PRKCQ: variants seen among roughly 807,000 people sequenced by gnomAD.
The protein encoded by PRKCQ is protein kinase C theta type.
PRKCQ carries 41 observed loss-of-function variants against 91.2 expected under a neutral mutation model. That is an observed-to-expected ratio of 0.45 (90% CI 0.35 to 0.58). The LOEUF (loss-of-function observed/expected upper bound fraction) is 0.58, where lower values mean the gene tolerates loss of function less well. PRKCQ is among the 20% of genes least tolerant of loss of function. PRKCQ has a pLI of 0.00. For synonymous variants in PRKCQ, 307 were observed against 316.9 expected (o/e 0.97, Z 0.33); for missense variants, 673 against 896.5 (o/e 0.75, Z 3.18).
At chr10:6,437,611 TAAA>T (rs1444010425) in intron 16 of PRKCQ, among the ~76,000 whole-genome samples, 1 of 152,190 alleles carries the variant, frequency 6.6e-6, no homozygotes, top group Non-Finnish European at 1.5e-5. Context: ...TTATATAAAA[TAAA>T]AAACTTTATA....
Position 6,483,450 on chromosome 10 carries a change from C to A in PRKCQ, c.1169G>T (p.Ser390Ile). ...FILHKMLGKGSFGKVFLAEFK... is the reference protein window; with the variant it reads ...FILHKMLGKGIFGKVFLAEFK... ...CGTGCATTAGCTTACCTTGCCAAAA[C>A]TTCCTTTCCCCAACATTTTGTGCAA... The change falls in exon 11 of 18, where the codon AGT becomes ATT. Residue 390 changes from serine to isoleucine, a missense_variant. Transcript: ENST00000263125. The A allele has an allele frequency of 6.2e-7, 1 of 1,614,236 alleles. No individual in the cohort carries two copies. The highest frequency in any genetic ancestry group is 2.2e-5 in the East Asian group (1 of 44,888).
intron 15 of PRKCQ, among the ~76,000 whole-genome samples, chr10:6,446,074 A>C (rs1375620682): frequency 6.6e-6 from 1 of 152,228 alleles, no homozygotes; most frequent in African/African-American, 2.4e-5. Context: ...CACGTGCAGC[A>C]GAGTGTTCGC....
the PRKCQ span, among the ~76,000 whole-genome samples, chr10:6,418,859 G>A: frequency 5.3e-5 from 8 of 151,406 alleles, no homozygotes; most frequent in African/African-American, 1.7e-4. Context: ...TATCTATTCT[G>A]TCAATCATCT....
At chr10:6,572,398 C>T (rs1470259283) in intron 1 of PRKCQ, among the ~76,000 whole-genome samples, 4 of 152,014 alleles carry the variant, frequency 2.6e-5, no homozygotes, top group Admixed American at 6.6e-5. Flanking sequence ...TCCCACCTCC[C>T]GACAGGCCCC....
chr10:6,528,505 G>A (rs114092517), intron 1 of PRKCQ, among the ~76,000 whole-genome samples: 132 of 152,274 alleles, frequency 8.7e-4, no homozygotes, highest in Middle Eastern at 3.4e-3. Flanking sequence ...TTGCCTGAAC[G>A]TTTTAGCCAT....
chr10:6,418,148 T>C, the PRKCQ span, among the ~76,000 whole-genome samples: 1 of 152,250 alleles, frequency 6.6e-6, no homozygotes, highest in East Asian at 1.9e-4. Context: ...TAAAATTCAT[T>C]ACGTGTTGCT....
the PRKCQ span, among the ~76,000 whole-genome samples, chr10:6,394,732 G>GAA: frequency 6.6e-6 from 1 of 152,224 alleles, no homozygotes; most frequent in African/African-American, 2.4e-5. Context: ...CCCAGGAGGA[G>GAA]AAAGAAAATC....
chr10:6,507,526 C>A, intron 3 of PRKCQ, 30 bp from the exon 4 acceptor site: 2 of 1,596,910 alleles, frequency 1.3e-6, no homozygotes, highest in South Asian at 2.2e-5. Context: ...AAACATCAGT[C>A]AGAATGTGAA....
chr10:6,491,196 T>C (rs1189920174), intron 8 of PRKCQ, among the ~76,000 whole-genome samples: 1 of 152,202 alleles, frequency 6.6e-6, no homozygotes, highest in African/African-American at 2.4e-5. Context: ...ACAGAATTTC[T>C]GTGCAGGACC....
At chr10:6,471,375 T>C (rs1835958341) in intron 12 of PRKCQ, among the ~76,000 whole-genome samples, 1 of 152,194 alleles carries the variant, frequency 6.6e-6, no homozygotes, top group South Asian at 2.1e-4. Flanking sequence ...AGCCTGAGCG[T>C]CTGAATGACA....
chr10:6,441,896 C>T lies in PRKCQ; in HGVS notation c.1833G>A (p.Val611=). The T allele has an allele frequency of 1.2e-6, 2 of 1,600,410 alleles. No individual in the cohort carries two copies. Among genetic ancestry groups the T allele is most frequent in the South Asian group, 1.1e-5 (1 of 90,620 alleles). ...WLEKEAKDLL[V]KLFVREPEKR... ...CGCTCTTGGCTTCGCTTCTTACCTT[C>T]ACCAGAAGGTCCTTTGCTTCCTTCT... The change falls in exon 16 of 18, where the codon GTG becomes GTA. Residue 611 remains valine, a synonymous_variant. Coordinates refer to ENST00000263125, the MANE Select transcript of PRKCQ (RefSeq NM_006257.5).
At chr10:6,500,319 A>G (rs1385479166) in intron 4 of PRKCQ, among the ~76,000 whole-genome samples, 1 of 152,058 alleles carries the variant, frequency 6.6e-6, no homozygotes, top group Non-Finnish European at 1.5e-5. Context: ...GCAGGGAATG[A>G]AAGTGAATTA....
intron 7 of PRKCQ, among the ~76,000 whole-genome samples, chr10:6,494,362 C>G (rs1837477384): frequency 6.6e-6 from 1 of 152,198 alleles, no homozygotes; most frequent in South Asian, 2.1e-4. Context: ...CACTTGCCAT[C>G]CTTGGGGTCT....
At chr10:6,480,642 G>A (rs1271127474) in intron 11 of PRKCQ, among the ~76,000 whole-genome samples, 2 of 152,226 alleles carry the variant, frequency 1.3e-5, no homozygotes, top group African/African-American at 4.8e-5. Flanking sequence ...CAGGACTGTT[G>A]TGAAAGTCAG....
At chr10:6,455,460 T>C (rs586457) in intron 15 of PRKCQ, among the ~76,000 whole-genome samples, 39,660 of 152,148 alleles carry the variant, frequency 0.26, 5,391 homozygotes, top group Non-Finnish European at 0.29. Context: ...TACATAGTTC[T>C]AGGACTCAGA....
At chr10:6,467,393 G>GAGAGACAGAC (rs1564324381) in intron 12 of PRKCQ, among the ~76,000 whole-genome samples, 15 of 36,592 alleles carry the variant, frequency 4.1e-4, no homozygotes, top group Admixed American at 6.8e-4. Context: ...GACAGACAGA[G>GAGAGACAGAC]AGAGAGAGAG....
At chr10:6,517,920 T>C (rs1302705768) in intron 1 of PRKCQ, among the ~76,000 whole-genome samples, 1 of 152,164 alleles carries the variant, frequency 6.6e-6, no homozygotes, top group Non-Finnish European at 1.5e-5. Context: ...TTCCAACTAA[T>C]TGTGGAAAAA....
chr10:6,567,460 G>T (rs115580088), intron 1 of PRKCQ, among the ~76,000 whole-genome samples: 1 of 152,202 alleles, frequency 6.6e-6, no homozygotes. Context: ...ACAGTAAGAC[G>T]CGTCACCCGA....
At chr10:6,567,014 C>G (rs1053864948) in intron 1 of PRKCQ, among the ~76,000 whole-genome samples, 3 of 152,120 alleles carry the variant, frequency 2.0e-5, no homozygotes, top group African/African-American at 7.2e-5. Flanking sequence ...CCTCCTCAAT[C>G]CAAGGTTCCG....
Sources: gnomAD v4.1 joint callset for allele counts (sites outside exome capture counted in the v4.1 genomes callset) on GRCh38, gnomAD v4.1.1 for gene constraint, MANE v1.5 for transcripts, NCBI Gene and HGNC (gene_info 2026-07-23, HGNC 2026-07-21) for gene names.